The following HDX variants were observed in gnomAD, a reference collection of about 807,000 sequenced individuals.
HDX encodes the protein chromosome X open reading frame 43.
HDX carries 19 observed loss-of-function variants against 45.2 expected under a neutral mutation model. The ratio of observed to expected loss-of-function variants is 0.42; its 90% CI spans 0.29 to 0.62. HDX has a LOEUF of 0.62. HDX is among the 20% of genes least tolerant of loss of function. HDX has a pLI of 0.20. For missense variants in HDX, 532 were observed against 493.9 expected, an observed-to-expected ratio of 1.08 and a Z score of -0.73; for synonymous variants, 188 against 172.8, an observed-to-expected ratio of 1.09 and a Z score of -0.69.
intron 5 of HDX, among the ~76,000 whole-genome samples, chrX:84,372,132 G>A (rs1006072931): frequency 9.0e-6 from 1 of 111,513 alleles, no homozygotes; most frequent in Non-Finnish European, 1.9e-5. Context: ...GAAAGAAGTG[G>A]GAGTCAAAGA....
chrX:84,361,572 G>A lies in HDX; in HGVS notation c.1346C>T (p.Thr449Ile). The A allele has an allele frequency of 8.3e-7, 1 of 1,202,787 alleles. No homozygotes were observed. Among genetic ancestry groups the A allele is most frequent in the Non-Finnish European group, 1.1e-6 (1 of 889,185 alleles). ...GCCATTGTCCCAATACTTCTTAAGG[G>A]TGGCTAAGTCTCGGTCACTGAACTG... ...RTQFSDRDLA[T>I]LKKYWDNGMT... Residue 449 changes from threonine to isoleucine, a missense_variant, in exon 6 of 11, where the codon ACC becomes ATC. By Grantham distance (89) the Thr-to-Ile change is moderately conservative. Transcript: ENST00000373177.
chrX:84,324,191 C>T (rs2036661010), intron 10 of HDX, among the ~76,000 whole-genome samples: 1 of 111,577 alleles, frequency 9.0e-6, no homozygotes, highest in South Asian at 3.7e-4. Flanking sequence ...CCCTGGACTA[C>T]TTCAATGGTC....
intron 8 of HDX, among the ~76,000 whole-genome samples, chrX:84,335,206 A>AT (rs2036934830): frequency 9.1e-6 from 1 of 110,347 alleles, no homozygotes; most frequent in African/African-American, 3.3e-5. Context: ...CAGATTTGAT[A>AT]TTTTTTGATG....
chrX:84,402,730 A>T (rs1291621242), intron 5 of HDX, among the ~76,000 whole-genome samples: 1 of 111,629 alleles, frequency 9.0e-6, no homozygotes, highest in Non-Finnish European at 1.9e-5. Flanking sequence ...ATATGGTAAG[A>T]CTGTTTAACT....
intron 5 of HDX, among the ~76,000 whole-genome samples, chrX:84,414,496 G>A (rs2039059298): frequency 9.0e-6 from 1 of 111,593 alleles, no homozygotes; most frequent in Non-Finnish European, 1.9e-5. Context: ...TATTTCCAGA[G>A]CTAACTAAAA....
At chrX:84,452,011 A>G (rs1389107364) in intron 4 of HDX, among the ~76,000 whole-genome samples, 1 of 111,424 alleles carries the variant, frequency 9.0e-6, no homozygotes, top group Non-Finnish European at 1.9e-5. Context: ...CCCAGAAGGA[A>G]TGTACCTCAA....
At chrX:84,456,332 A>T (rs58438708) in intron 4 of HDX, among the ~76,000 whole-genome samples, 1,524 of 111,442 alleles carry the variant, frequency 0.014, 37 homozygotes, top group African/African-American at 0.048. Flanking sequence ...AAATAATGGG[A>T]TATAAGATAT....
rs185292063 is a variant in HDX, at chrX:84,392,750, G to T, written c.1306-31138C>A. Among the ~76,000 whole-genome samples the T allele has an allele frequency of 5.6e-5, 6 of 107,824 alleles. No homozygotes were observed. The East Asian group carries it at 1.7e-3, about 31-fold the overall frequency. 93.6% of individuals were successfully genotyped at this position (107,824 alleles called of 115,157 possible). A position where few individuals can be genotyped will look rare whatever the true frequency, so the allele number is the denominator to read the frequency against. On this transcript the variant is annotated intron_variant, in intron 5 of 10. Transcript: ENST00000373177. ...GTGAATAGAAATTCTACTGACTTTC[G>T]TATCCTGATTTTTGTAGCTACTGAT...
intron 4 of HDX, among the ~76,000 whole-genome samples, chrX:84,453,084 A>G (rs1003013491): frequency 2.0e-4 from 23 of 112,391 alleles, no homozygotes; most frequent in African/African-American, 7.1e-4. Context: ...CTATTCATTC[A>G]GCATACACGA....
At chrX:84,411,608 T>G (rs2038987291) in intron 5 of HDX, among the ~76,000 whole-genome samples, 1 of 111,688 alleles carries the variant, frequency 9.0e-6, no homozygotes, top group Admixed American at 9.5e-5. Context: ...TTAAAGTATA[T>G]GCCATGTGCA....
At position 84,492,899 on chromosome X, in the gene HDX, T is replaced by A. The variant is rs1357597985; in HGVS notation, c.-109-4767A>T. On this transcript the variant is annotated intron_variant, in intron 1 of 10. Transcript: ENST00000373177. ...CCAGAATTTTTTAGTACAAATTTAATATTACAAAAAGCTTTTTTTTTTTTT... is the reference window on the plus strand; with the variant it reads ...CCAGAATTTTTTAGTACAAATTTAAAATTACAAAAAGCTTTTTTTTTTTTT... Among the ~76,000 whole-genome samples the A allele has an allele frequency of 3.7e-5, 4 of 109,191 alleles. No homozygotes were observed. The East Asian group carries it at 1.1e-3, about 31-fold the overall frequency. The allele number at this position is 109,191 out of a possible 115,157, so 94.8% of individuals were successfully genotyped here.
intron 4 of HDX, among the ~76,000 whole-genome samples, chrX:84,465,666 G>A (rs925503335): frequency 3.6e-5 from 4 of 111,768 alleles, no homozygotes; most frequent in Admixed American, 1.9e-4. Flanking sequence ...ACTGGGGCCC[G>A]TTGGGGGGCG....
intron 10 of HDX, among the ~76,000 whole-genome samples, chrX:84,323,775 A>G (rs773035723): frequency 8.9e-6 from 1 of 112,415 alleles, no homozygotes; most frequent in Non-Finnish European, 1.9e-5. Context: ...CCTTTTTCAC[A>G]GATACTAACG....
intron 5 of HDX, among the ~76,000 whole-genome samples, chrX:84,416,345 T>C (rs12396484): frequency 0.069 from 7,722 of 111,325 alleles, 323 homozygotes; most frequent in African/African-American, 0.16. Context: ...TGGTGGAATG[T>C]AGCTGAGGGG....
At chrX:84,470,934 C>T (rs1305980582) in intron 3 of HDX, among the ~76,000 whole-genome samples, 6 of 111,351 alleles carry the variant, frequency 5.4e-5, no homozygotes, top group East Asian at 5.6e-4. Flanking sequence ...GCAGGAGGAT[C>T]GCTTGAGGCC....
chrX:84,438,372 G>A (rs2039685599), intron 5 of HDX, among the ~76,000 whole-genome samples: 1 of 110,473 alleles, frequency 9.1e-6, no homozygotes, highest in African/African-American at 3.3e-5. Flanking sequence ...AAATAACTTG[G>A]GTTATCTTTC....
intron 5 of HDX, among the ~76,000 whole-genome samples, chrX:84,382,596 A>G (rs2038215044): frequency 8.9e-6 from 1 of 111,789 alleles, no homozygotes; most frequent in Non-Finnish European, 1.9e-5. Flanking sequence ...CCAGACACAG[A>G]AAGACAAATA....
chrX:84,447,289 T>G (rs1459935858), intron 4 of HDX, among the ~76,000 whole-genome samples: 1 of 111,466 alleles, frequency 9.0e-6, no homozygotes, highest in African/African-American at 3.3e-5. Context: ...ACACTTTGAA[T>G]AGATCACCTA....
intron 1 of HDX, among the ~76,000 whole-genome samples, chrX:84,494,669 C>G (rs2040963844): frequency 9.0e-6 from 1 of 111,560 alleles, no homozygotes; most frequent in Non-Finnish European, 1.9e-5. Context: ...TGTATTTAGA[C>G]AATGAAAATG....
Sources: allele counts gnomAD v4.1 joint callset (sites outside exome capture counted in the v4.1 genomes callset), GRCh38; gene constraint gnomAD v4.1.1; transcripts MANE v1.5; gene names NCBI Gene and HGNC (gene_info 2026-07-23, HGNC 2026-07-21).